Variants in RUNX1 observed in about 807,000 individuals in gnomAD.
RUNX1 encodes the protein RUNX family transcription factor 1, also known as runt-related transcription factor 1.
Under a neutral mutation model 42.8 loss-of-function variants are expected in RUNX1, and 19 were observed. The ratio of observed to expected loss-of-function variants is 0.44; its 90% CI spans 0.31 to 0.65. The LOEUF is 0.65. Ranked by LOEUF, RUNX1 falls within the 30% of genes least tolerant of loss-of-function variation. The pLI, the probability that RUNX1 is intolerant of heterozygous loss-of-function variation, is 0.07. For missense variants in RUNX1, 528 were observed against 672.0 expected, an observed-to-expected ratio of 0.79 and a Z score of 2.37; for synonymous variants, 271 against 289.4, an observed-to-expected ratio of 0.94 and a Z score of 0.64.
intron 3 of RUNX1, among the ~76,000 whole-genome samples, chr21:34,892,684 C>A (rs2146453213): frequency 6.6e-6 from 1 of 152,152 alleles, no homozygotes; most frequent in African/African-American, 2.4e-5. Context: ...TCAGAATGCA[C>A]CTATGGTAAA....
intron 2 of RUNX1, among the ~76,000 whole-genome samples, chr21:34,948,786 C>T (rs910306311): frequency 6.6e-6 from 1 of 151,968 alleles, no homozygotes; most frequent in Non-Finnish European, 1.5e-5. Context: ...ACTCTTGTCA[C>T]CCAGGCTAGA....
intron 2 of RUNX1, among the ~76,000 whole-genome samples, chr21:34,924,691 T>C (rs1157532081): frequency 6.6e-6 from 1 of 152,208 alleles, no homozygotes; most frequent in Non-Finnish European, 1.5e-5. Context: ...AGTTCAATTT[T>C]ATCTCTTTCC....
chr21:34,915,552 AG>A lies in RUNX1; in HGVS notation c.59-22590del, dbSNP rs1054369462. On this transcript the variant is annotated intron_variant, in intron 2 of 8. Coordinates refer to ENST00000675419, the MANE Select transcript of RUNX1 (RefSeq NM_001754.5). ...AGAATGGTTGTTTTATGAGCCTCAA[AG>A]GGGAAAAGCATTTTAAAAGCATGTG... 4.6e-5 allele frequency among the ~76,000 whole-genome samples: 7 copies of A among 152,228 alleles called. 1 individual carries two copies. The highest frequency in any genetic ancestry group is 1.7e-4 in the African/African-American group (7 of 41,458).
chr21:34,907,182 G>A lies in RUNX1; in HGVS notation c.59-14219C>T, dbSNP rs2146507512. On this transcript the variant is annotated intron_variant, in intron 2 of 8. Coordinates refer to ENST00000675419, the MANE Select transcript of RUNX1 (RefSeq NM_001754.5). This position sits in a 1 kb window ranked among gnomAD's most constrained non-coding sequence, Gnocchi z 5.3. ...GTACAGTCTTTGGGGGCTCTTGACA[G>A]CAAGAAAACCTAAACAGGAGAATCC... is the stretch of plus-strand genomic sequence containing the variant. Among the ~76,000 whole-genome samples the A allele has an allele frequency of 1.3e-5, 2 of 152,314 alleles. No individual in the cohort carries two copies. Among genetic ancestry groups the A allele is most frequent in the Middle Eastern group, 6.8e-3 (2 of 294 alleles).
intron 2 of RUNX1, among the ~76,000 whole-genome samples, chr21:34,952,700 C>A (rs1383280753): frequency 2.0e-5 from 3 of 152,112 alleles, no homozygotes; most frequent in Admixed American, 1.3e-4. Context: ...ATATTTGGGA[C>A]GTTTAATATA....
intron 2 of RUNX1, among the ~76,000 whole-genome samples, chr21:34,933,265 G>C (rs368482016): frequency 6.6e-6 from 1 of 152,302 alleles, no homozygotes; most frequent in East Asian, 1.9e-4. Flanking sequence ...TAGTGCATGA[G>C]TACTGTGAGA....
At chr21:34,869,148 A>G (rs1390050135) in intron 5 of RUNX1, among the ~76,000 whole-genome samples, 1 of 152,168 alleles carries the variant, frequency 6.6e-6, no homozygotes, top group East Asian at 1.9e-4. Context: ...TTTCAAATTC[A>G]GCAAGACCCA....
At chr21:34,796,473 C>T (rs2056529132) in intron 8 of RUNX1, among the ~76,000 whole-genome samples, 1 of 152,196 alleles carries the variant, frequency 6.6e-6, no homozygotes. Context: ...CTGGTGTCCC[C>T]TGATTCAGCA....
intron 2 of RUNX1, among the ~76,000 whole-genome samples, chr21:35,006,394 A>T (rs1437782680): frequency 6.6e-6 from 1 of 152,176 alleles, no homozygotes; most frequent in Non-Finnish European, 1.5e-5. Context: ...ATAAAGCCAC[A>T]CTACTCTCTC....
chr21:34,956,456 C>T (rs1304002683), intron 2 of RUNX1, among the ~76,000 whole-genome samples: 2 of 152,132 alleles, frequency 1.3e-5, no homozygotes, highest in African/African-American at 2.4e-5. Flanking sequence ...AAATTTCAAG[C>T]TCCTTGGGTC....
intron 2 of RUNX1, among the ~76,000 whole-genome samples, chr21:34,918,322 T>A (rs1044973903): frequency 6.6e-6 from 1 of 152,024 alleles, no homozygotes; most frequent in African/African-American, 2.4e-5. Context: ...CTTCTCAACA[T>A]AGGTTTGTGA....
chr21:35,001,736 T>C lies in RUNX1; in HGVS notation c.58+47106A>G, dbSNP rs546511374. On this transcript the variant is annotated intron_variant, in intron 2 of 8. Coordinates refer to ENST00000675419, the MANE Select transcript of RUNX1 (RefSeq NM_001754.5). Reference sequence around the variant, plus strand: ...TTTACAGATGCCATGATATTATATGTAGAAAACTCTAAAGAATCCTGAAAT... The same window carrying C: ...TTTACAGATGCCATGATATTATATGCAGAAAACTCTAAAGAATCCTGAAAT... Among the ~76,000 whole-genome samples the C allele has an allele frequency of 2.5e-4, 38 of 152,278 alleles. 1 individual carries two copies. The East Asian group carries it at 7.3e-3, about 29-fold the overall frequency.
At position 34,969,392 on chromosome 21, in the gene RUNX1, C is replaced by T. The variant is rs1242096532; in HGVS notation, c.59-76429G>A. Among the ~76,000 whole-genome samples, 3 of 149,024 alleles carry T rather than the reference C, an allele frequency of 2.0e-5. No individual in the cohort carries two copies. In the East Asian group the frequency reaches 5.9e-4, roughly 29 times the overall value. On this transcript the variant is annotated intron_variant, in intron 2 of 8. Coordinates refer to ENST00000675419, the MANE Select transcript of RUNX1 (RefSeq NM_001754.5). The stretch of plus-strand genomic sequence containing the variant: ...AGGGCAGGCTGTCTCCTGCAGGGGC[C>T]AACAGAGAAAAAAAAAACACAGAAA...
chr21:34,917,833 A>G (rs1418168552), intron 2 of RUNX1, among the ~76,000 whole-genome samples: 2 of 152,114 alleles, frequency 1.3e-5, no homozygotes. Flanking sequence ...AGAGGTTGTT[A>G]TAAAGTCCTT....
chr21:34,823,675 T>C (rs184262736), intron 7 of RUNX1, among the ~76,000 whole-genome samples: 1 of 152,202 alleles, frequency 6.6e-6, no homozygotes, highest in African/African-American at 2.4e-5. Flanking sequence ...ACTCCTGACC[T>C]CAGGTGATCC....
At chr21:34,981,972 A>G (rs2058849676) in intron 2 of RUNX1, among the ~76,000 whole-genome samples, 1 of 152,204 alleles carries the variant, frequency 6.6e-6, no homozygotes, top group Non-Finnish European at 1.5e-5. Flanking sequence ...TGAGTCTCAG[A>G]ACAGCTGCTA....
chr21:34,879,196 T>TG (rs769421232), intron 5 of RUNX1, among the ~76,000 whole-genome samples: 8 of 152,218 alleles, frequency 5.3e-5, no homozygotes, highest in Admixed American at 2.0e-4. Flanking sequence ...TACTGAAAGG[T>TG]GGGGACTTTT....
At chr21:34,865,568 G>C (rs2057649617) in intron 5 of RUNX1, among the ~76,000 whole-genome samples, 1 of 152,180 alleles carries the variant, frequency 6.6e-6, no homozygotes. Flanking sequence ...GAAGGTCAAG[G>C]GGTGAGTCTT....
chr21:34,824,799 T>C (rs1214629644), intron 7 of RUNX1, among the ~76,000 whole-genome samples: 2 of 152,164 alleles, frequency 1.3e-5, no homozygotes, highest in African/African-American at 4.8e-5. Flanking sequence ...TAAAGAGCCC[T>C]AAAATAACTG....
Sources: gnomAD v4.1 joint callset for allele counts (sites outside exome capture counted in the v4.1 genomes callset) on GRCh38, gnomAD v4.1.1 for gene constraint, Gnocchi (gnomAD v3.1) non-coding constraint, MANE v1.5 for transcripts, NCBI Gene and HGNC (gene_info 2026-07-23, HGNC 2026-07-21) for gene names.